Variants in TRPC4 observed in about 807,000 individuals in gnomAD.
TRPC4 encodes short transient receptor potential channel 4.
In TRPC4, 49 loss-of-function variants were observed where a neutral mutation model predicts 99.4. The ratio of observed to expected loss-of-function variants is 0.49; its 90% CI spans 0.39 to 0.63. The LOEUF is 0.63. TRPC4 is among the 20% of genes least tolerant of loss of function. The pLI is 0.00. For missense variants in TRPC4, 898 were observed against 1,152.9 expected (o/e 0.78, Z 3.20); for synonymous variants, 454 against 425.9 (o/e 1.07, Z -0.81).
chr13:37,678,500 T>C (rs1357297142), intron 4 of TRPC4, among the ~76,000 whole-genome samples: 3 of 152,052 alleles, frequency 2.0e-5, no homozygotes, highest in Non-Finnish European at 4.4e-5. Context: ...CTCATACATT[T>C]CACAACTTAA....
intron 3 of TRPC4, 45 bp from the exon 4 acceptor site, chr13:37,692,380 T>G (rs1233077521): frequency 6.6e-7 from 1 of 1,514,808 alleles, no homozygotes; most frequent in Non-Finnish European, 9.0e-7. Flanking sequence ...CACAGTTACA[T>G]GGAGTGGCCT....
intron 1 of TRPC4, among the ~76,000 whole-genome samples, chr13:37,821,459 C>A (rs1958008276): frequency 6.6e-6 from 1 of 151,974 alleles, no homozygotes; most frequent in South Asian, 2.1e-4. Context: ...ATTAGAAAAA[C>A]TATTTTAAAA....
chr13:37,797,037 G>A (rs1957276001), intron 1 of TRPC4, among the ~76,000 whole-genome samples: 1 of 137,678 alleles, frequency 7.3e-6, no homozygotes, highest in Non-Finnish European at 1.5e-5. Context: ...AGAATTAGCT[G>A]GGCATGGTGG....
chr13:37,827,092 C>T (rs149954113), intron 1 of TRPC4, among the ~76,000 whole-genome samples: 5,682 of 152,114 alleles, frequency 0.037, 372 homozygotes, highest in African/African-American at 0.13. Context: ...GCATTCTTCA[C>T]GTAGTTCTCC....
intron 5 of TRPC4, among the ~76,000 whole-genome samples, chr13:37,668,929 T>C (rs1485945761): frequency 6.6e-6 from 1 of 152,158 alleles, no homozygotes; most frequent in Non-Finnish European, 1.5e-5. Context: ...ATAATTCTGA[T>C]TAAACAACTA....
intron 3 of TRPC4, among the ~76,000 whole-genome samples, chr13:37,703,439 A>C (rs1359499229): frequency 6.6e-6 from 1 of 152,156 alleles, no homozygotes; most frequent in Admixed American, 6.6e-5. Context: ...AGTGTTTTGT[A>C]ACTCACCTTC....
chr13:37,640,149 A>G (rs1296911391), intron 8 of TRPC4, among the ~76,000 whole-genome samples: 1 of 152,114 alleles, frequency 6.6e-6, no homozygotes, highest in Non-Finnish European at 1.5e-5. Flanking sequence ...ATTCTTCAGG[A>G]AGAATATTGG....
intron 3 of TRPC4, among the ~76,000 whole-genome samples, chr13:37,745,572 T>C (rs1241115966): frequency 7.0e-6 from 1 of 142,926 alleles, no homozygotes; most frequent in Non-Finnish European, 1.5e-5. Context: ...AAATATTAAA[T>C]CCATTCAGCA....
intron 7 of TRPC4, among the ~76,000 whole-genome samples, chr13:37,652,815 A>T (rs1395425918): frequency 6.8e-5 from 1 of 14,758 alleles, no homozygotes; most frequent in East Asian, 1.9e-3. Flanking sequence ...ACTCTCGGTG[A>T]GTCAGAAATT....
intron 3 of TRPC4, among the ~76,000 whole-genome samples, chr13:37,725,799 C>A (rs1160092256): frequency 6.6e-6 from 1 of 152,116 alleles, no homozygotes; most frequent in African/African-American, 2.4e-5. Context: ...TAGACCAGCT[C>A]TGCAAGAAAT....
chr13:37,691,252 CCACCACGCCCGG>C (rs1953692498), intron 4 of TRPC4, among the ~76,000 whole-genome samples: 1 of 152,120 alleles, frequency 6.6e-6, no homozygotes, highest in African/African-American at 2.4e-5. Context: ...CAGGCGCCCG[CCACCACGCCCGG>C]CTAATTTCTT....
intron 8 of TRPC4, among the ~76,000 whole-genome samples, chr13:37,646,489 G>A (rs763557322): frequency 1.1e-4 from 16 of 152,070 alleles, no homozygotes; most frequent in Non-Finnish European, 1.3e-4. Context: ...TAGCATCTTC[G>A]TACTTGAATT....
At chr13:37,830,366 T>C (rs1021869348) in intron 1 of TRPC4, among the ~76,000 whole-genome samples, 3 of 152,078 alleles carry the variant, frequency 2.0e-5, no homozygotes, top group East Asian at 1.9e-4. Flanking sequence ...TGAATGAATA[T>C]AAACATGTTG....
intron 2 of TRPC4, among the ~76,000 whole-genome samples, chr13:37,765,740 T>C (rs1374941299): frequency 4.0e-5 from 6 of 151,508 alleles, no homozygotes; most frequent in Admixed American, 6.6e-5. Context: ...CGTTTGTTGA[T>C]CTGTATTAAA....
At chr13:37,785,431 T>A (rs1956943769) in intron 1 of TRPC4, among the ~76,000 whole-genome samples, 1 of 152,166 alleles carries the variant, frequency 6.6e-6, no homozygotes. Context: ...TTCAGCATTA[T>A]GCATACCCTT....
intron 2 of TRPC4, among the ~76,000 whole-genome samples, chr13:37,771,452 T>G (rs1249515369): frequency 6.6e-6 from 1 of 151,734 alleles, no homozygotes; most frequent in East Asian, 1.9e-4. Context: ...TATGTGTGAT[T>G]GTTCCAGATA....
At chr13:37,815,916 C>G (rs1701302035) in intron 1 of TRPC4, among the ~76,000 whole-genome samples, 1 of 151,732 alleles carries the variant, frequency 6.6e-6, no homozygotes, top group African/African-American at 2.4e-5. Context: ...ACCAAACACA[C>G]TCTCAGAACA....
intron 3 of TRPC4, among the ~76,000 whole-genome samples, chr13:37,737,013 G>A (rs1353877417): frequency 1.3e-5 from 2 of 150,616 alleles, no homozygotes; most frequent in Admixed American, 6.6e-5. Flanking sequence ...GATTACAGAT[G>A]TAAGCCAGCA....
At chr13:37,823,265 C>G (rs1386890309) in intron 1 of TRPC4, among the ~76,000 whole-genome samples, 1 of 150,628 alleles carries the variant, frequency 6.6e-6, no homozygotes, top group Non-Finnish European at 1.5e-5. Context: ...TGCAGAAGCT[C>G]TTTAGTTTAA....
Sources: allele counts gnomAD v4.1 joint callset (sites outside exome capture counted in the v4.1 genomes callset), GRCh38; gene constraint gnomAD v4.1.1; transcripts MANE v1.5; gene names NCBI Gene and HGNC (gene_info 2026-07-23, HGNC 2026-07-21).